The following HS6ST3 variants were observed in gnomAD, a reference collection of about 807,000 sequenced individuals.
HS6ST3 encodes heparan sulfate 6-O-sulfotransferase 3, also known as heparan-sulfate 6-O-sulfotransferase 3.
Under a neutral mutation model 36.7 loss-of-function variants are expected in HS6ST3, and 12 were observed. The ratio of observed to expected loss-of-function variants is 0.33; its 90% confidence interval spans 0.21 to 0.53. The LOEUF (loss-of-function observed/expected upper bound fraction) is 0.53. Ranked by LOEUF, HS6ST3 falls within the 20% of genes least tolerant of loss-of-function variation. The pLI is 0.95. For synonymous variants in HS6ST3, 240 were observed against 257.5 expected (o/e 0.93, Z 0.65); for missense variants, 584 against 640.9 (o/e 0.91, Z 0.96).
intron 1 of HS6ST3, among the ~76,000 whole-genome samples, chr13:96,717,850 T>C (rs972214242): frequency 6.6e-6 from 1 of 152,206 alleles, no homozygotes; most frequent in African/African-American, 2.4e-5. Context: ...GTTGCACATA[T>C]GTGTGGGGAA....
At chr13:96,614,671 A>G (rs1436016213) in intron 1 of HS6ST3, among the ~76,000 whole-genome samples, 2 of 152,264 alleles carry the variant, frequency 1.3e-5, no homozygotes, top group African/African-American at 2.4e-5. Flanking sequence ...TTGAAGGATC[A>G]GAACTACATA....
intron 1 of HS6ST3, among the ~76,000 whole-genome samples, chr13:96,688,229 ATC>A (rs369263369): frequency 0.64 from 94,783 of 147,340 alleles, 33,030 homozygotes; most frequent in Non-Finnish European, 0.77. Flanking sequence ...AATAATAATC[ATC>A]ATCATCATAA....
intron 1 of HS6ST3, among the ~76,000 whole-genome samples, chr13:96,481,088 T>C (rs1463690850): frequency 1.3e-5 from 2 of 152,194 alleles, no homozygotes; most frequent in Non-Finnish European, 2.9e-5. Context: ...AGAATGATAA[T>C]TTCTTGATAT....
chr13:96,305,395 A>G (rs1486028561), intron 1 of HS6ST3, among the ~76,000 whole-genome samples: 3 of 152,198 alleles, frequency 2.0e-5, no homozygotes, highest in African/African-American at 4.8e-5. Context: ...TACAAAGAAC[A>G]TGTAAAATGC....
At chr13:96,776,210 C>T (rs908607212) in intron 1 of HS6ST3, among the ~76,000 whole-genome samples, 8 of 151,926 alleles carry the variant, frequency 5.3e-5, no homozygotes, top group African/African-American at 1.7e-4. Flanking sequence ...GGGAATTTTA[C>T]GGCACTAAAT....
intron 1 of HS6ST3, among the ~76,000 whole-genome samples, chr13:96,172,761 T>G (rs542490391): frequency 6.6e-6 from 1 of 152,300 alleles, no homozygotes; most frequent in East Asian, 1.9e-4. Flanking sequence ...CACAACAAAT[T>G]CTTTATCTTA....
At chr13:96,557,685 T>C (rs935468616) in intron 1 of HS6ST3, among the ~76,000 whole-genome samples, 1 of 152,200 alleles carries the variant, frequency 6.6e-6, no homozygotes. Context: ...GTCCAAACCA[T>C]GGTTCACTTG....
At chr13:96,725,201 G>T (rs1468116971) in intron 1 of HS6ST3, among the ~76,000 whole-genome samples, 1 of 152,038 alleles carries the variant, frequency 6.6e-6, no homozygotes, top group Non-Finnish European at 1.5e-5. Flanking sequence ...CAAATGTTTT[G>T]TCTATTTTTA....
At chr13:96,416,997 G>A (rs916505400) in intron 1 of HS6ST3, among the ~76,000 whole-genome samples, 2 of 152,080 alleles carry the variant, frequency 1.3e-5, no homozygotes, top group East Asian at 1.9e-4. Flanking sequence ...TGATCCGCCC[G>A]CCTCTGCCTC....
At chr13:96,685,503 G>A (rs1010857143) in intron 1 of HS6ST3, among the ~76,000 whole-genome samples, 1 of 152,006 alleles carries the variant, frequency 6.6e-6, no homozygotes, top group African/African-American at 2.4e-5. Context: ...CCAGGATGTA[G>A]TATTTGTGTT....
At chr13:96,635,258 G>GT (rs5805985) in intron 1 of HS6ST3, among the ~76,000 whole-genome samples, 146,822 of 150,102 alleles carry the variant, frequency 0.98, 71,858 homozygotes, top group East Asian at 1. Flanking sequence ...TAAGATGTAA[G>GT]TTTTTTTTTT....
intron 1 of HS6ST3, among the ~76,000 whole-genome samples, chr13:96,686,210 C>G (rs1874773795): frequency 6.6e-6 from 1 of 151,870 alleles, no homozygotes; most frequent in African/African-American, 2.4e-5. Flanking sequence ...TCCTCTTCAC[C>G]TATTTGTTCA....
At chr13:96,609,823 C>A (rs1403691830) in intron 1 of HS6ST3, among the ~76,000 whole-genome samples, 1 of 152,112 alleles carries the variant, frequency 6.6e-6, no homozygotes, top group East Asian at 1.9e-4. Flanking sequence ...ATATATTAAA[C>A]TTTAATGCTT....
chr13:96,636,158 A>C (rs973393787), intron 1 of HS6ST3, among the ~76,000 whole-genome samples: 1 of 152,078 alleles, frequency 6.6e-6, no homozygotes, highest in African/African-American at 2.4e-5. Flanking sequence ...CCAAGAAGTG[A>C]GGGTACATTT....
chr13:96,284,165 C>A (rs890792310), intron 1 of HS6ST3, among the ~76,000 whole-genome samples: 4 of 151,998 alleles, frequency 2.6e-5, no homozygotes, highest in African/African-American at 9.7e-5. Context: ...CAAATTTTTC[C>A]CCATTGATGT....
chr13:96,631,422 G>A (rs2056531716), intron 1 of HS6ST3, among the ~76,000 whole-genome samples: 1 of 152,172 alleles, frequency 6.6e-6, no homozygotes, highest in African/African-American at 2.4e-5. Flanking sequence ...TATAAATTTT[G>A]TTCTCAAAAG....
chr13:96,197,755 G>A (rs139959962), intron 1 of HS6ST3, among the ~76,000 whole-genome samples: 1,757 of 152,218 alleles, frequency 0.012, 35 homozygotes, highest in African/African-American at 0.041. Context: ...AATCCAGTGG[G>A]GCAGTCAAAT....
chr13:96,332,500 G>T (rs1023411516), intron 1 of HS6ST3, among the ~76,000 whole-genome samples: 27 of 152,176 alleles, frequency 1.8e-4, no homozygotes, highest in Admixed American at 3.3e-4. Context: ...ATGTGGTTCT[G>T]TCTTCTGAGA....
chr13:96,364,181 T>C (rs1037606038), intron 1 of HS6ST3, among the ~76,000 whole-genome samples: 2 of 152,132 alleles, frequency 1.3e-5, no homozygotes, highest in Admixed American at 1.3e-4. Context: ...CACTGCTGGT[T>C]GGAACATAAA....
Sources: allele counts gnomAD v4.1 joint callset (sites outside exome capture counted in the v4.1 genomes callset), GRCh38; gene constraint gnomAD v4.1.1; transcripts MANE v1.5; gene names NCBI Gene and HGNC (gene_info 2026-07-23, HGNC 2026-07-21).